KRT16: variants seen among roughly 807,000 people sequenced by gnomAD.
KRT16 encodes the protein keratin, type I cytoskeletal 16.
KRT16 carries 42 observed loss-of-function variants against 44.8 expected under a neutral mutation model. That is an observed-to-expected ratio of 0.94 (90% confidence interval 0.73 to 1.21). KRT16 has a LOEUF of 1.21. KRT16 is among the 50% of genes most tolerant of loss of function. The probability of loss-of-function intolerance (pLI) is 0.00; values close to 1 mark genes in which losing one functional copy is unlikely to be tolerated. For synonymous variants in KRT16, 226 were observed against 260.4 expected, an observed-to-expected ratio of 0.87 and a Z score of 1.27; for missense variants, 561 against 626.9, an observed-to-expected ratio of 0.89 and a Z score of 1.12.
chr17:41,610,788 C>G (rs1908163349), intron 5 of KRT16, 66 bp downstream of exon 5: 2 of 1,610,516 alleles, frequency 1.2e-6, no homozygotes, highest in Non-Finnish European at 1.7e-6. Flanking sequence ...TAGACTGTGG[C>G]TTTTTGAGGG....
In KRT16 at chr17:41,611,107, T is replaced by G; in HGVS notation, c.895A>C (p.Lys299Gln). The part of the protein sequence containing the change: ...MRDQYEQMAE[K>Q]NRRDAETWFL... ...CAGGTCTCAGCGTCTCTGCGGTTTT[T>G]CTCTGCCATCTGCTCGTACTGGTCA... is the stretch of plus-strand genomic sequence containing the variant. The change falls in exon 4 of 8, where the codon AAA becomes CAA. Residue 299 changes from lysine (K) to glutamine (Q), a missense_variant. Lys to Gln is a moderately conservative substitution (Grantham distance 53). Transcript: ENST00000301653. The G allele has an allele frequency of 6.2e-7, 1 of 1,613,994 alleles. No homozygotes were observed. Among genetic ancestry groups the G allele is most frequent in the Non-Finnish European group, 8.5e-7 (1 of 1,179,870 alleles).
At position 41,612,676 on chromosome 17, in the gene KRT16, T is replaced by G; in HGVS notation, c.13A>C (p.Ser5Arg). 6.3e-7 allele frequency: 1 copy of G among 1,597,844 alleles called. No homozygotes were observed. Among genetic ancestry groups the G allele is most frequent in the Non-Finnish European group, 8.5e-7 (1 of 1,173,596 alleles). Reference protein sequence around the residue: MTTCSRQFTSSSSMK... With the variant: MTTCRRQFTSSSSMK... ...GAGCTGGAGGAGGTGAACTGGCGGC[T>G]GCAGGTGGTCATGGTGCCAAGGAGG... is the stretch of plus-strand genomic sequence containing the variant. The change falls in exon 1 of 8, where the codon AGC (serine) becomes CGC (arginine). Residue 5 changes from serine to arginine, a missense_variant. Coordinates refer to ENST00000301653, the MANE Select transcript of KRT16 (RefSeq NM_005557.4).
chr17:41,610,888 C>T lies in KRT16; in HGVS notation c.1025G>A (p.Gly342Asp). The T allele has an allele frequency of 1.2e-6, 2 of 1,614,108 alleles. No homozygotes were observed. The highest frequency in any genetic ancestry group is 1.7e-6 in the Non-Finnish European group (2 of 1,180,038). ...EVTELRRVLQ[G>D]LEIELQSQLS... is the part of the protein sequence containing the mutation. Reference sequence around the variant, plus strand: ...CTGGGACTGCAGCTCAATCTCCAGGCCCTGGAGCACCCTCCGGAGCTCCGT... The same window carrying T: ...CTGGGACTGCAGCTCAATCTCCAGGTCCTGGAGCACCCTCCGGAGCTCCGT... Residue 342 changes from glycine (G) to aspartate (D), a missense_variant, in exon 5 of 8, where the codon GGC becomes GAC. Transcript: ENST00000301653.
Position 41,611,506 on chromosome 17 carries a change from C to A in KRT16, c.615-5G>T, listed in dbSNP as rs577984211. On this transcript the variant is annotated splice_polypyrimidine_tract_variant and splice_region_variant and intron_variant, in intron 2 of 7. Coordinates refer to ENST00000301653, the MANE Select transcript of KRT16 (RefSeq NM_005557.4). ...AGGGCCAGTTCATGCTCATACCTGGCAGGACAGAGGTCAGGTCCTCAGGCT... is the reference window on the plus strand; with the variant it reads ...AGGGCCAGTTCATGCTCATACCTGGAAGGACAGAGGTCAGGTCCTCAGGCT... 6.2e-7 allele frequency: 1 copy of A among 1,613,524 alleles called. No individual in the cohort carries two copies. The highest frequency in any genetic ancestry group is 1.3e-5 in the African/African-American group (1 of 75,018).
At position 41,611,478 on chromosome 17, in the gene KRT16, C is replaced by G. The variant is rs554718723; in HGVS notation, c.638G>C (p.Arg213Pro). The stretch of plus-strand genomic sequence containing the variant: ...ATTGACGTCGGCCTCCACAGTCTGC[C>G]GCAGGGCCAGTTCATGCTCATACCT... ...RTKYEHELAL[R>P]QTVEADVNGL... is the part of the protein sequence containing the mutation. Residue 213 changes from arginine to proline, a missense_variant, in exon 3 of 8, where the codon CGG (arginine) becomes CCG (proline). By Grantham distance (103) the Arg-to-Pro change is moderately radical. Transcript: ENST00000301653. 23 of 1,613,896 alleles carry G rather than the reference C, an allele frequency of 1.4e-5. No individual in the cohort carries two copies. The highest frequency in any genetic ancestry group is 1.9e-5 in the Non-Finnish European group (23 of 1,180,050).
Position 41,612,471 on chromosome 17 carries a change from C to T in KRT16, c.218G>A (p.Ser73Asn), listed in dbSNP as rs1257388530. 6 of 1,609,250 alleles carry T rather than the reference C, an allele frequency of 3.7e-6. No homozygotes were observed. The highest frequency in any genetic ancestry group is 5.1e-6 in the Non-Finnish European group (6 of 1,177,628). Reference sequence around the variant, plus strand: ...GCCACTACCAAAGCTGCTGCTGCTGCTGAAGCCACCGCCATAGCCGCCCCC... The same window carrying T: ...GCCACTACCAAAGCTGCTGCTGCTGTTGAAGCCACCGCCATAGCCGCCCCC... ...GLGGGYGGGF[S>N]SSSSFGSGFG... Residue 73 changes from serine to asparagine, a missense_variant, in exon 1 of 8, where the codon AGC becomes AAC. Transcript: ENST00000301653.
At position 41,611,359 on chromosome 17, in the gene KRT16, T is replaced by C. The variant is rs1908190662; in HGVS notation, c.757A>G (p.Lys253Glu). ...AGCGACCGTACCTCCTCGTGGTTCT[T>C]CCTCAGGTAGGCCAGCTCCTCCTTC... is the stretch of plus-strand genomic sequence containing the variant. ...GLKEELAYLRKNHEEEMLALR... is the reference protein window; with the variant it reads ...GLKEELAYLRENHEEEMLALR... The change falls in exon 3 of 8, where the codon AAG (lysine) becomes GAG (glutamate). Residue 253 changes from lysine (K) to glutamate (E), a missense_variant. Lys to Glu is a moderately conservative substitution (Grantham distance 56). Coordinates refer to ENST00000301653, the MANE Select transcript of KRT16 (RefSeq NM_005557.4). 1 of 1,614,020 alleles carries C rather than the reference T, an allele frequency of 6.2e-7. No individual in the cohort carries two copies. The highest frequency in any genetic ancestry group is 8.5e-7 in the Non-Finnish European group (1 of 1,180,006).
At position 41,612,752 on chromosome 17, in the gene KRT16, G is replaced by A. The variant is rs200187418; in HGVS notation, c.-64C>T. 1 of 1,539,556 alleles carries A rather than the reference G, an allele frequency of 6.5e-7. No individual in the cohort carries two copies. The highest frequency in any genetic ancestry group is 2.4e-5 in the East Asian group (1 of 41,106). On this transcript the variant is annotated 5_prime_UTR_variant, in exon 1 of 8. Coordinates refer to ENST00000301653, the MANE Select transcript of KRT16 (RefSeq NM_005557.4). Reference sequence around the variant, plus strand: ...GAAAGAAGGAAAGGTGCTCAGGAAGGCTGAGAGCGTGCTGTGGCTGCCTCC... The same window carrying A: ...GAAAGAAGGAAAGGTGCTCAGGAAGACTGAGAGCGTGCTGTGGCTGCCTCC...
At chr17:41,610,305 GC>G in intron 6 of KRT16, 25 bp downstream of exon 6, 1 of 1,613,430 alleles carries the variant, frequency 6.2e-7, no homozygotes, top group East Asian at 2.2e-5. Context: ...GGTCTGGGAG[GC>G]AGAACTGAGG....
rs1183305442 is a variant in KRT16 at position 41,610,501 on chromosome 17, C to T, written c.1110G>A (p.Met370Ile). 2 of 1,612,142 alleles carry T rather than the reference C, an allele frequency of 1.2e-6. No homozygotes were observed. Among genetic ancestry groups the T allele is most frequent in the South Asian group, 1.1e-5 (1 of 90,996 alleles). The change falls in exon 6 of 8, where the codon ATG becomes ATA. Residue 370 changes from methionine (M) to isoleucine (I), a missense_variant. Met to Ile is a conservative substitution (Grantham distance 10). Coordinates refer to ENST00000301653, the MANE Select transcript of KRT16 (RefSeq NM_005557.4). Reference sequence around the variant, plus strand: ...TCAGTCCCTGGATCTGGGACAGCTGCATGCAGTAGCGGCCTTTGGTCTCCT... The same window carrying T: ...TCAGTCCCTGGATCTGGGACAGCTGTATGCAGTAGCGGCCTTTGGTCTCCT... ...SLEETKGRYC[M>I]QLSQIQGLIG...
At position 41,610,492 on chromosome 17, in the gene KRT16, G is replaced by A. The variant is rs1908150863; in HGVS notation, c.1119C>T (p.Ser373=). 4.3e-6 allele frequency: 7 copies of A among 1,612,144 alleles called. No homozygotes were observed. The highest frequency in any genetic ancestry group is 5.9e-6 in the Non-Finnish European group (7 of 1,179,874). Residue 373 remains serine, a synonymous_variant, in exon 6 of 8, where the codon TCC becomes TCT. Transcript: ENST00000301653. ...CACTGCCAATCAGTCCCTGGATCTG[G>A]GACAGCTGCATGCAGTAGCGGCCTT... The part of the protein sequence containing the change: ...ETKGRYCMQL[S]QIQGLIGSVE...
intron 5 of KRT16, 113 bp downstream of exon 5, chr17:41,610,741 G>T: frequency 6.5e-7 from 1 of 1,547,488 alleles, no homozygotes. Context: ...GGTCCCATGA[G>T]TCCCCTGGTC....
At chr17:41,611,046 C>T (rs773354798) in intron 4 of KRT16, 23 bp downstream of exon 4, 1 of 1,614,036 alleles carries the variant, frequency 6.2e-7, no homozygotes, top group Admixed American at 1.7e-5. Flanking sequence ...GTGCTGCAGG[C>T]TCACTGCGGG....
chr17:41,610,823 G>C, intron 5 of KRT16, 31 bp downstream of exon 5: 1 of 1,612,978 alleles, frequency 6.2e-7, no homozygotes, highest in South Asian at 1.1e-5. Flanking sequence ...CTGGTGACTT[G>C]GGGGCTGCTG....
chr17:41,609,816 C>T lies in KRT16; in HGVS notation c.*119G>A. 1 of 806,142 alleles carries T rather than the reference C, an allele frequency of 1.2e-6. No homozygotes were observed. The highest frequency in any genetic ancestry group is 1.4e-5 in the South Asian group (1 of 69,124). The allele number at this position is 806,142 out of a possible 1,614,324, so 49.9% of individuals were successfully genotyped here. A position where few individuals can be genotyped will look rare whatever the true frequency, so the allele number is the denominator to read the frequency against. On this transcript the variant is annotated 3_prime_UTR_variant, in exon 8 of 8. Transcript: ENST00000301653. Reference sequence around the variant, plus strand: ...GAAAGTCAGCTTTATTAGCCCACCACCAGCAGAGGAGCAGGGGAGATAGCT... The same window carrying T: ...GAAAGTCAGCTTTATTAGCCCACCATCAGCAGAGGAGCAGGGGAGATAGCT...
intron 2 of KRT16, 54 bp from the exon 3 acceptor site, chr17:41,611,555 C>T (rs1298601589): frequency 1.9e-6 from 3 of 1,610,616 alleles, no homozygotes; most frequent in South Asian, 1.1e-5. Context: ...TTCTGAGGCT[C>T]GGGGTCTGCT....
chr17:41,610,048 G>A lies in KRT16; in HGVS notation c.1328-19C>T, dbSNP rs769881004. ...GTGAAGACTGTGGGAGAGAGAAGAG[G>A]AGGTGAGAAGGGGTCTGAGAGCTAA... On this transcript the variant is annotated intron_variant, in intron 7 of 7. Transcript: ENST00000301653. 24 of 1,592,668 alleles carry A rather than the reference G, an allele frequency of 1.5e-5. No individual in the cohort carries two copies. In the South Asian group the frequency reaches 1.7e-4, roughly 11 times the overall value.
Position 41,609,847 on chromosome 17 carries a change from C to G in KRT16, c.*88G>C. 4 of 1,087,382 alleles carry G rather than the reference C, an allele frequency of 3.7e-6. No individual in the cohort carries two copies. Among genetic ancestry groups the G allele is most frequent in the Non-Finnish European group, 5.6e-6 (4 of 716,530 alleles). The allele number at this position is 1,087,382 out of a possible 1,614,324, so 67.4% of individuals were successfully genotyped here. On this transcript the variant is annotated 3_prime_UTR_variant, in exon 8 of 8. Coordinates refer to ENST00000301653, the MANE Select transcript of KRT16 (RefSeq NM_005557.4). ...GAGGAGCAGGGGAGATAGCTGGGAA[C>G]TGCGCCAGGAGAGCAGGGTCCTGAC...
chr17:41,610,943 C>G lies in KRT16; in HGVS notation c.970G>C (p.Glu324Gln). The stretch of plus-strand genomic sequence containing the variant: ...TCACTGCGGCTGCTCTGTACCAGTT[C>G]GCTGTTGGAGGCCACTTCTTTGTTC... The part of the protein sequence containing the change: ...ELNKEVASNS[E>Q]LVQSSRSEVT... Residue 324 changes from glutamate (E) to glutamine (Q), a missense_variant, in exon 5 of 8, where the codon GAA (glutamate) becomes CAA (glutamine). By Grantham distance (29) the Glu-to-Gln change is conservative. Coordinates refer to ENST00000301653, the MANE Select transcript of KRT16 (RefSeq NM_005557.4). 1.9e-6 allele frequency: 3 copies of G among 1,614,138 alleles called. No individual in the cohort carries two copies. Among genetic ancestry groups the G allele is most frequent in the South Asian group, 2.2e-5 (2 of 91,076 alleles).
Sources: gnomAD v4.1 joint callset for allele counts on GRCh38, gnomAD v4.1.1 for gene constraint, MANE v1.5 for transcripts, NCBI Gene and HGNC (gene_info 2026-07-23, HGNC 2026-07-21) for gene names.